Variants in R3HDM1 observed in about 807,000 individuals in gnomAD.
R3HDM1 encodes R3H domain-containing protein 1.
In R3HDM1, 46 loss-of-function variants were observed where a neutral mutation model predicts 141.1. The observed-to-expected ratio is 0.33, with a 90% confidence interval of 0.26 to 0.42. R3HDM1 has a LOEUF of 0.42. R3HDM1 is among the 10% of genes least tolerant of loss of function. The probability of loss-of-function intolerance (pLI) is 1.00; values close to 1 mark genes in which losing one functional copy is unlikely to be tolerated. For missense variants in R3HDM1, 1,184 were observed against 1,368.3 expected, an observed-to-expected ratio of 0.87 and a Z score of 2.12; for synonymous variants, 435 against 472.9, an observed-to-expected ratio of 0.92 and a Z score of 1.04.
chr2:135,584,585 C>T (rs1287877578), intron 1 of R3HDM1, among the ~76,000 whole-genome samples: 1 of 152,148 alleles, frequency 6.6e-6, no homozygotes, highest in Non-Finnish European at 1.5e-5. Flanking sequence ...CCTAAATTAA[C>T]GGTTTATTAT....
chr2:135,632,330 A>T (rs892283840), intron 9 of R3HDM1, among the ~76,000 whole-genome samples: 6 of 79,050 alleles, frequency 7.6e-5, no homozygotes, highest in Non-Finnish European at 1.1e-4. Context: ...GTCAAATTTA[A>T]AAAAAAAAAA....
chr2:135,597,760 A>G (rs1198288206), intron 1 of R3HDM1, among the ~76,000 whole-genome samples: 1 of 152,134 alleles, frequency 6.6e-6, no homozygotes, highest in Non-Finnish European at 1.5e-5. Flanking sequence ...TTTTTCCCCT[A>G]AATATTTTTG....
intron 1 of R3HDM1, among the ~76,000 whole-genome samples, chr2:135,562,968 A>G (rs1370016635): frequency 6.6e-6 from 1 of 152,228 alleles, no homozygotes; most frequent in African/African-American, 2.4e-5. Context: ...CCTGTTGCCC[A>G]GCAAAAATAA....
intron 23 of R3HDM1, 76 bp from the exon 24 acceptor site, chr2:135,715,474 T>C (rs2076076632): frequency 6.8e-7 from 1 of 1,469,952 alleles, no homozygotes; most frequent in African/African-American, 1.4e-5. Flanking sequence ...AACAAGTACG[T>C]ATATGTAATC....
intron 1 of R3HDM1, chr2:135,534,056 T>C (rs1695513087): frequency 1.0e-6 from 1 of 981,852 alleles, no homozygotes; most frequent in African/African-American, 1.7e-5. Flanking sequence ...AAGAGTACCA[T>C]GGGTGTATTA....
chr2:135,616,622 C>A, intron 4 of R3HDM1, 46 bp from the exon 5 acceptor site: 1 of 1,461,350 alleles, frequency 6.8e-7, no homozygotes, highest in South Asian at 1.2e-5. Context: ...TTGGATATGC[C>A]CTAGATTTCT....
chr2:135,614,273 CAA>C (rs1184094304), intron 3 of R3HDM1, among the ~76,000 whole-genome samples: 1 of 152,154 alleles, frequency 6.6e-6, no homozygotes, highest in African/African-American at 2.4e-5. Context: ...ACGATAGGAA[CAA>C]TATACAGCAC....
At chr2:135,710,351 G>A (rs1285414318) in intron 23 of R3HDM1, 120 bp downstream of exon 23, 13 of 1,045,940 alleles carry the variant, frequency 1.2e-5, no homozygotes, top group Middle Eastern at 3.1e-4. Flanking sequence ...TGGGCCAGGC[G>A]CGGTGGCTCT....
chr2:135,662,659 T>G (rs908380334), intron 19 of R3HDM1, among the ~76,000 whole-genome samples: 1 of 152,204 alleles, frequency 6.6e-6, no homozygotes, highest in African/African-American at 2.4e-5. Context: ...AATAACACAG[T>G]CCACGTCAAA....
intron 1 of R3HDM1, chr2:135,561,199 C>T: frequency 1.8e-6 from 1 of 565,516 alleles, no homozygotes; most frequent in Non-Finnish European, 2.2e-6. Flanking sequence ...CTGCACTGTA[C>T]ATTCTGTGAG....
intron 20 of R3HDM1, among the ~76,000 whole-genome samples, chr2:135,677,182 G>C (rs1057042754): frequency 6.6e-6 from 1 of 152,300 alleles, no homozygotes; most frequent in African/African-American, 2.4e-5. Context: ...TGAAATGTGA[G>C]GTTGTCAAAT....
intron 21 of R3HDM1, among the ~76,000 whole-genome samples, chr2:135,684,460 A>C (rs2070985806): frequency 6.6e-6 from 1 of 152,096 alleles, no homozygotes; most frequent in Non-Finnish European, 1.5e-5. Context: ...TAACTGTTGG[A>C]CTCAATTTTA....
At chr2:135,592,797 C>T (rs1006708524) in intron 1 of R3HDM1, among the ~76,000 whole-genome samples, 38 of 151,416 alleles carry the variant, frequency 2.5e-4, no homozygotes, top group African/African-American at 7.0e-4. Flanking sequence ...GCTGTGTCAT[C>T]CAGACTGGAA....
At chr2:135,667,272 A>G (rs950510822) in intron 19 of R3HDM1, 51 of 903,866 alleles carry the variant, frequency 5.6e-5, no homozygotes, top group Non-Finnish European at 6.7e-5. Flanking sequence ...CTGAACCATC[A>G]GTTTATATTG....
At chr2:135,569,707 T>C (rs943674730) in intron 1 of R3HDM1, among the ~76,000 whole-genome samples, 19 of 151,040 alleles carry the variant, frequency 1.3e-4, no homozygotes, top group African/African-American at 4.7e-4. Context: ...ATACCTTTCA[T>C]ATAGTAAGCT....
At chr2:135,647,435 C>T (rs2064594073) in intron 16 of R3HDM1, among the ~76,000 whole-genome samples, 1 of 152,126 alleles carries the variant, frequency 6.6e-6, no homozygotes, top group South Asian at 2.1e-4. Context: ...TGGGATTTAT[C>T]TGTGATTATA....
At chr2:135,609,407 A>G (rs893709693) in intron 3 of R3HDM1, among the ~76,000 whole-genome samples, 4 of 152,234 alleles carry the variant, frequency 2.6e-5, no homozygotes, top group African/African-American at 7.2e-5. Context: ...ACTGTCCCAC[A>G]TAATTGCCTT....
chr2:135,531,686 G>C, intron 1 of R3HDM1, 53 bp downstream of exon 1: 2 of 986,080 alleles, frequency 2.0e-6, no homozygotes, highest in Non-Finnish European at 2.4e-6. Flanking sequence ...AACGCGCCTT[G>C]CTCCCCTCCC....
At chr2:135,603,545 A>AT (rs527427109) in intron 2 of R3HDM1, among the ~76,000 whole-genome samples, 148 of 152,074 alleles carry the variant, frequency 9.7e-4, no homozygotes, top group Non-Finnish European at 1.6e-3. Context: ...CAATCTGTTC[A>AT]TTTTTTTTAA....
Sources: gnomAD v4.1 joint callset for allele counts (sites outside exome capture counted in the v4.1 genomes callset) on GRCh38, gnomAD v4.1.1 for gene constraint, MANE v1.5 for transcripts, NCBI Gene and HGNC (gene_info 2026-07-23, HGNC 2026-07-21) for gene names.